Variants in SLC1A3 observed in about 807,000 individuals in gnomAD.
SLC1A3 encodes solute carrier family 1 member 3.
Under a neutral mutation model 48.1 loss-of-function variants are expected in SLC1A3, and 21 were observed. The ratio of observed to expected loss-of-function variants is 0.44; its 90% CI spans 0.31 to 0.63. The LOEUF (loss-of-function observed/expected upper bound fraction) is 0.63, where lower values mean the gene tolerates loss of function less well. Among genes scored for constraint, SLC1A3 ranks in the 20% least tolerant of loss-of-function variants. The probability of loss-of-function intolerance (pLI) is 0.08; values close to 1 mark genes in which losing one functional copy is unlikely to be tolerated. For synonymous variants in SLC1A3, 239 were observed against 251.4 expected (o/e 0.95, Z 0.47); for missense variants, 546 against 689.0 (o/e 0.79, Z 2.32).
chr5:36,605,796 T>C (rs780589908), upstream of SLC1A3, among the ~76,000 whole-genome samples: 10 of 152,184 alleles, frequency 6.6e-5, no homozygotes, highest in Non-Finnish European at 1.2e-4. Context: ...AGTTACCTTC[T>C]CAAGGCAATG....
intron 3 of SLC1A3, among the ~76,000 whole-genome samples, chr5:36,645,242 T>C (rs1007364216): frequency 2.0e-5 from 3 of 151,606 alleles, no homozygotes; most frequent in Admixed American, 6.6e-5. Context: ...AGTTCTGTTT[T>C]TGGGGATCCT....
intron 3 of SLC1A3, among the ~76,000 whole-genome samples, chr5:36,651,489 A>G (rs1267521109): frequency 6.6e-6 from 1 of 151,988 alleles, no homozygotes; most frequent in Non-Finnish European, 1.5e-5. Context: ...AACTTCTCAC[A>G]TGGCTCCAGC....
At chr5:36,609,027 AT>A in intron 2 of SLC1A3, 1 of 997,580 alleles carries the variant, frequency 1.0e-6, no homozygotes, top group Non-Finnish European at 1.2e-6. Flanking sequence ...AATAGTAATT[AT>A]ATTCTAACTG....
At chr5:36,651,242 C>T (rs1342600176) in intron 3 of SLC1A3, among the ~76,000 whole-genome samples, 1 of 151,094 alleles carries the variant, frequency 6.6e-6, no homozygotes, top group African/African-American at 2.4e-5. Context: ...GGCTTGCTGA[C>T]TCTTCCTCCC....
chr5:36,674,164 T>C, intron 5 of SLC1A3, 73 bp downstream of exon 5: 1 of 1,165,658 alleles, frequency 8.6e-7, no homozygotes, highest in Non-Finnish European at 1.3e-6. Flanking sequence ...GGACCCTCTT[T>C]TCCCTGCTCA....
At chr5:36,623,398 A>G (rs530489289) in intron 2 of SLC1A3, among the ~76,000 whole-genome samples, 87 of 152,296 alleles carry the variant, frequency 5.7e-4, no homozygotes, top group African/African-American at 2.0e-3. Context: ...TTTCATTGCT[A>G]TTTTTGCAGA....
intron 7 of SLC1A3, 64 bp from the exon 8 acceptor site, chr5:36,680,331 A>G: frequency 5.7e-6 from 8 of 1,399,966 alleles, no homozygotes; most frequent in Non-Finnish European, 8.1e-6. Flanking sequence ...CCCAAAGACC[A>G]AACGCACAGA....
At chr5:36,671,314 G>A in intron 4 of SLC1A3, 81 bp downstream of exon 4, 1 of 1,003,210 alleles carries the variant, frequency 1.0e-6, no homozygotes, top group South Asian at 1.4e-5. Flanking sequence ...AACCCTGGAA[G>A]GGGTGTGTGA....
At chr5:36,634,287 T>TATAAATAAATAAATAAATAA (rs60704367) in intron 3 of SLC1A3, among the ~76,000 whole-genome samples, 6,919 of 149,882 alleles carry the variant, frequency 0.046, 282 homozygotes, top group African/African-American at 0.1. Flanking sequence ...AAAAAAGAAA[T>TATAAATAAATAAATAAATAA]ATAAATAAAT....
At chr5:36,683,816 T>TGG (rs1190094836) in intron 8 of SLC1A3, 48 bp from the exon 9 acceptor site, 1 of 1,611,920 alleles carries the variant, frequency 6.2e-7, no homozygotes, top group Non-Finnish European at 8.5e-7. Flanking sequence ...ATGCTCTACG[T>TGG]GGGGAGCTTT....
At chr5:36,655,231 G>T (rs566189135) in intron 3 of SLC1A3, among the ~76,000 whole-genome samples, 2 of 152,202 alleles carry the variant, frequency 1.3e-5, no homozygotes, top group East Asian at 3.9e-4. Flanking sequence ...AACTTCAAAA[G>T]CCCTTTTGGC....
At chr5:36,647,128 A>G (rs917501044) in intron 3 of SLC1A3, among the ~76,000 whole-genome samples, 2 of 152,212 alleles carry the variant, frequency 1.3e-5, no homozygotes, top group Admixed American at 1.3e-4. Flanking sequence ...ACCACATTAC[A>G]AAATACAAAT....
intron 6 of SLC1A3, among the ~76,000 whole-genome samples, chr5:36,679,305 G>T (rs1238600244): frequency 6.6e-6 from 1 of 152,172 alleles, no homozygotes; most frequent in Non-Finnish European, 1.5e-5. Flanking sequence ...TGGCTAGGAA[G>T]ACAGAGGTGG....
intron 1 of SLC1A3, among the ~76,000 whole-genome samples, chr5:36,597,446 A>G (rs982506099): frequency 2.6e-5 from 4 of 151,228 alleles, no homozygotes. Flanking sequence ...GTTTCACCAT[A>G]TTAGCCAGGA....
At chr5:36,636,392 G>C (rs190314399) in intron 3 of SLC1A3, 1 of 152,168 alleles carries the variant, frequency 6.6e-6, no homozygotes, top group South Asian at 2.1e-4. Context: ...TCCAGTATTC[G>C]GGCTTCCTTG....
At chr5:36,624,871 G>A (rs554507372) in intron 2 of SLC1A3, among the ~76,000 whole-genome samples, 1 of 152,290 alleles carries the variant, frequency 6.6e-6, no homozygotes, top group South Asian at 2.1e-4. Flanking sequence ...AAGAAGACCT[G>A]TAAAGGGTTC....
intron 8 of SLC1A3, among the ~76,000 whole-genome samples, chr5:36,682,603 C>T (rs1038191652): frequency 6.6e-6 from 1 of 152,236 alleles, no homozygotes; most frequent in Non-Finnish European, 1.5e-5. Context: ...CAGCACAGCT[C>T]TGCTCCACAA....
intron 2 of SLC1A3, among the ~76,000 whole-genome samples, chr5:36,617,415 C>CTTTTTTTTTTTTTTT (rs34710652): frequency 1.7e-5 from 1 of 57,676 alleles, no homozygotes; most frequent in Non-Finnish European, 3.1e-5. Flanking sequence ...AGGTTGCGGG[C>CTTTTTTTTTTTTTTT]TTTTTTTTTT....
chr5:36,677,551 T>C (rs1742264647), intron 6 of SLC1A3, among the ~76,000 whole-genome samples: 1 of 152,160 alleles, frequency 6.6e-6, no homozygotes, highest in Non-Finnish European at 1.5e-5. Flanking sequence ...AAAGAAAACA[T>C]ACAAGGATAT....
Sources: allele counts gnomAD v4.1 joint callset (sites outside exome capture counted in the v4.1 genomes callset), GRCh38; gene constraint gnomAD v4.1.1; transcripts MANE v1.5; gene names NCBI Gene and HGNC (gene_info 2026-07-23, HGNC 2026-07-21).